The following IRAK4 variants were observed in gnomAD, a reference collection of about 807,000 sequenced individuals.
IRAK4 encodes interleukin-1 receptor-associated kinase 4.
A neutral mutation model predicts 51.8 loss-of-function variants in IRAK4; 44 were observed. The ratio of observed to expected loss-of-function variants is 0.85; its 90% confidence interval spans 0.67 to 1.09. IRAK4 has a LOEUF of 1.09. Ranked by LOEUF, IRAK4 falls within the 50% of genes least tolerant of loss-of-function variation. The pLI is 0.00. For missense variants in IRAK4, 487 were observed against 538.0 expected, an observed-to-expected ratio of 0.91 and a Z score of 0.94; for synonymous variants, 149 against 174.1, an observed-to-expected ratio of 0.86 and a Z score of 1.13.
chr12:43,759,751 C>G (rs1439786920), intron 1 of IRAK4, among the ~76,000 whole-genome samples: 2 of 151,670 alleles, frequency 1.3e-5, no homozygotes, highest in African/African-American at 4.8e-5. Flanking sequence ...GCCCGTAATG[C>G]CAGCTACTCC....
At chr12:43,777,569 C>T (rs1592244557) in intron 6 of IRAK4, 61 bp from the exon 7 acceptor site, 1 of 1,445,300 alleles carries the variant, frequency 6.9e-7, no homozygotes, top group African/African-American at 1.4e-5. Context: ...GAATAACTTC[C>T]AACCTATAGC....
Position 43,768,168 on chromosome 12 carries a change from T to C in IRAK4, c.57T>C (p.Ile19=), listed in dbSNP as rs1940367866. The C allele has an allele frequency of 1.2e-6, 2 of 1,613,408 alleles. No homozygotes were observed. The highest frequency in any genetic ancestry group is 3.3e-5 in the Admixed American group (2 of 59,926). ...TYVRCLNVGL[I]RKLSDFIDPQ... ...TGCGCTGCCTCAATGTTGGACTAAT[T>C]AGGAAGCTGTCAGATTTTATTGATC... The change falls in exon 2 of 12, where the codon ATT becomes ATC. Residue 19 remains isoleucine, a synonymous_variant. Coordinates refer to ENST00000613694, the MANE Select transcript of IRAK4 (RefSeq NM_016123.4).
At chr12:43,765,446 C>T (rs1398882612) in intron 1 of IRAK4, among the ~76,000 whole-genome samples, 1 of 152,162 alleles carries the variant, frequency 6.6e-6, no homozygotes, top group East Asian at 1.9e-4. Context: ...TCAGTGATTT[C>T]ACCATTCTTC....
At chr12:43,778,154 AT>A (rs1252426231) in intron 7 of IRAK4, 38 bp from the exon 8 acceptor site, 2 of 1,168,110 alleles carry the variant, frequency 1.7e-6, no homozygotes, top group South Asian at 2.5e-5. Context: ...ATTTTTTATT[AT>A]TCTTTCTCAT....
chr12:43,775,456 T>C (rs1428673773), intron 6 of IRAK4, among the ~76,000 whole-genome samples: 2 of 152,166 alleles, frequency 1.3e-5, no homozygotes, highest in African/African-American at 4.8e-5. Flanking sequence ...ACAAACCATC[T>C]CTCAAATATA....
At position 43,768,173 on chromosome 12, in the gene IRAK4, AG is replaced by A. The variant is rs1282400178; in HGVS notation, c.63del (p.Lys21AsnfsTer15). 1.1e-5 allele frequency: 18 copies of A among 1,613,678 alleles called. No individual in the cohort carries two copies. Among genetic ancestry groups the A allele is most frequent in the Non-Finnish European group, 1.5e-5 (18 of 1,179,752 alleles). On this transcript the variant is annotated frameshift_variant, in exon 2 of 12. Coordinates refer to ENST00000613694, the MANE Select transcript of IRAK4 (RefSeq NM_016123.4). LOFTEE classifies it high-confidence loss of function. ...TGCCTCAATGTTGGACTAATTAGGA[AG>A]CTGTCAGATTTTATTGATCCTCAAG... ...VRCLNVGLIRKLSDFIDPQEG... is the reference protein window; with the variant it reads ...VRCLNVGLIRXLSDFIDPQEG...
intron 8 of IRAK4, among the ~76,000 whole-genome samples, chr12:43,781,578 C>T (rs993805713): frequency 3.9e-5 from 6 of 152,140 alleles, no homozygotes; most frequent in Non-Finnish European, 7.4e-5. Flanking sequence ...CACTTTTCAC[C>T]CTCTGTTTGA....
In IRAK4 at chr12:43,788,753, G is replaced by C. The variant is rs1052158259; in HGVS notation, c.*2038G>C. ...AGATGGGGTTTCACTGTGTTAGCCA[G>C]GATGGTCTTGATCTCCTGACCTCGT... On this transcript the variant is annotated 3_prime_UTR_variant, in exon 12 of 12. Coordinates refer to ENST00000613694, the MANE Select transcript of IRAK4 (RefSeq NM_016123.4). The C allele has an allele frequency of 6.6e-6, 1 of 152,116 alleles. No individual in the cohort carries two copies. The highest frequency in any genetic ancestry group is 1.5e-5 in the Non-Finnish European group (1 of 68,118). The allele number at this position is 152,116 out of a possible 1,614,324, so 9.4% of individuals were successfully genotyped here.
At chr12:43,774,683 C>A (rs1184817019) in intron 6 of IRAK4, among the ~76,000 whole-genome samples, 1 of 152,096 alleles carries the variant, frequency 6.6e-6, no homozygotes, top group African/African-American at 2.4e-5. Context: ...GTAATAGGCC[C>A]TTATATATAA....
At chr12:43,763,869 A>G (rs1393020706) in intron 1 of IRAK4, among the ~76,000 whole-genome samples, 2 of 152,136 alleles carry the variant, frequency 1.3e-5, no homozygotes, top group Non-Finnish European at 2.9e-5. Flanking sequence ...ATCAGTGTCT[A>G]TTTGACCTCT....
rs4251514 is a variant in IRAK4, at chr12:43,780,498, C to T, written c.942-1809C>T. On this transcript the variant is annotated intron_variant, in intron 8 of 11. Transcript: ENST00000613694. The stretch of plus-strand genomic sequence containing the variant: ...AACTGACCCTAGATGAGAAAAGAAA[C>T]GCCATCTCCTATCCTTCATGGATTG... 9.6e-3 allele frequency among the ~76,000 whole-genome samples: 1,456 copies of T among 152,000 alleles called. 22 individuals are homozygous for T. The highest frequency in any genetic ancestry group is 0.033 in the African/African-American group (1,357 of 41,426).
chr12:43,786,541 G>T lies in IRAK4; in HGVS notation c.1331G>T (p.Arg444Ile), dbSNP rs780633823. Reference protein sequence around the residue: ...SQCLHEKKNKRPDIKKVQQLL... With the variant: ...SQCLHEKKNKIPDIKKVQQLL... The stretch of plus-strand genomic sequence containing the variant: ...TGTCTGCATGAAAAGAAAAATAAGA[G>T]ACCAGACATTAAGAAGGTATGCATT... Residue 444 changes from arginine (R) to isoleucine (I), a missense_variant, in exon 11 of 12, where the codon AGA becomes ATA. By Grantham distance (97) the Arg-to-Ile change is moderately conservative. Coordinates refer to ENST00000613694, the MANE Select transcript of IRAK4 (RefSeq NM_016123.4). 6.8e-6 allele frequency: 11 copies of T among 1,613,490 alleles called. No individual in the cohort carries two copies. The highest frequency in any genetic ancestry group is 9.3e-6 in the Non-Finnish European group (11 of 1,179,760).
At chr12:43,772,081 A>G in intron 3 of IRAK4, 99 bp from the exon 4 acceptor site, 2 of 924,102 alleles carry the variant, frequency 2.2e-6, no homozygotes, top group Non-Finnish European at 3.4e-6. Context: ...CAACCTGTAG[A>G]AACTGGAATG....
rs1651055317 is a variant in IRAK4, at chr12:43,788,161, C to T, written c.*1446C>T. Reference sequence around the variant, plus strand: ...CAGATACTCTCCCATGATGTTTTTCCCATGATGATTTCCCATGATATTTAC... The same window carrying T: ...CAGATACTCTCCCATGATGTTTTTCTCATGATGATTTCCCATGATATTTAC... On this transcript the variant is annotated 3_prime_UTR_variant, in exon 12 of 12. Transcript: ENST00000613694. 6.6e-6 allele frequency: 1 copy of T among 152,180 alleles called. No individual in the cohort carries two copies. The highest frequency in any genetic ancestry group is 2.4e-5 in the African/African-American group (1 of 41,420). 9.4% of individuals were successfully genotyped at this position (152,180 alleles called of 1,614,324 possible).
intron 4 of IRAK4, 27 bp downstream of exon 4, chr12:43,772,389 C>G: frequency 6.3e-7 from 1 of 1,590,288 alleles, no homozygotes; most frequent in Middle Eastern, 1.7e-4. Flanking sequence ...GTGCTTTCCA[C>G]TAGGGATTTG....
chr12:43,786,320 A>G, intron 10 of IRAK4, 79 bp from the exon 11 acceptor site: 2 of 881,600 alleles, frequency 2.3e-6, no homozygotes, highest in South Asian at 5.7e-5. Context: ...AAGTAGATTA[A>G]TTTAAATAAT....
chr12:43,765,714 G>A (rs1940067635), intron 1 of IRAK4, among the ~76,000 whole-genome samples: 1 of 150,914 alleles, frequency 6.6e-6, no homozygotes. Flanking sequence ...TTATATATGA[G>A]AATACTTACA....
intron 1 of IRAK4, chr12:43,763,338 G>A (rs1031689930): frequency 1.1e-4 from 17 of 152,260 alleles, no homozygotes; most frequent in African/African-American, 3.4e-4. Context: ...AAAACAACAT[G>A]CTGCAGTGGG....
In IRAK4 at chr12:43,787,501, T is replaced by C. The variant is rs1592269884; in HGVS notation, c.*786T>C. ...TGAAGAAGTATGTGAGAGGGCCACA[T>C]TGGCTAAAACCTAAAGGTGGCCTCT... is the stretch of plus-strand genomic sequence containing the variant. On this transcript the variant is annotated 3_prime_UTR_variant, in exon 12 of 12. Coordinates refer to ENST00000613694, the MANE Select transcript of IRAK4 (RefSeq NM_016123.4). 6.6e-6 allele frequency: 1 copy of C among 152,150 alleles called. No individual in the cohort carries two copies. The highest frequency in any genetic ancestry group is 1.5e-5 in the Non-Finnish European group (1 of 68,040). The allele number at this position is 152,150 out of a possible 1,614,324, so 9.4% of individuals were successfully genotyped here.
Sources: allele counts gnomAD v4.1 joint callset (sites outside exome capture counted in the v4.1 genomes callset), GRCh38; gene constraint gnomAD v4.1.1; transcripts MANE v1.5; gene names NCBI Gene and HGNC (gene_info 2026-07-23, HGNC 2026-07-21).